FYB1: variants seen among roughly 807,000 people sequenced by gnomAD.
The protein encoded by FYB1 is FYN binding protein 1.
FYB1 carries 41 observed loss-of-function variants against 94.1 expected under a neutral mutation model. That is an observed-to-expected ratio of 0.44 (90% confidence interval 0.34 to 0.57). The LOEUF (loss-of-function observed/expected upper bound fraction) is 0.57, where lower values mean the gene tolerates loss of function less well. Ranked by LOEUF, FYB1 falls within the 20% of genes least tolerant of loss-of-function variation. FYB1 has a pLI of 0.02. For synonymous variants in FYB1, 367 were observed against 353.2 expected, an observed-to-expected ratio of 1.04 and a Z score of -0.44; for missense variants, 1,050 against 976.8, an observed-to-expected ratio of 1.07 and a Z score of -1.00.
intron 1 of FYB1, among the ~76,000 whole-genome samples, chr5:39,257,943 C>T (rs1439837134): frequency 3.3e-5 from 5 of 152,168 alleles, no homozygotes; most frequent in African/African-American, 7.2e-5. Context: ...TGATCCAAAG[C>T]GTCTTTAGCT....
At chr5:39,140,271 C>T (rs1200072534) in intron 4 of FYB1, among the ~76,000 whole-genome samples, 2 of 151,956 alleles carry the variant, frequency 1.3e-5, no homozygotes, top group Admixed American at 6.6e-5. Context: ...TAAAGGAACC[C>T]CTACAAGTTA....
chr5:39,219,419 A>G (rs895816430), intron 1 of FYB1, 24 bp downstream of exon 1: 2 of 985,212 alleles, frequency 2.0e-6, no homozygotes, highest in Non-Finnish European at 1.2e-6. Context: ...TATTTGAAAG[A>G]AGAAACCTAG....
At chr5:39,227,396 T>G (rs527718504) in intron 1 of FYB1, among the ~76,000 whole-genome samples, 5 of 152,316 alleles carry the variant, frequency 3.3e-5, no homozygotes, top group Admixed American at 2.0e-4. Context: ...GTTCGTATTC[T>G]TAGGAGGTGC....
rs901374047 is a variant in FYB1 at position 39,202,281 on chromosome 5, G to A, written c.680C>T (p.Ala227Val). The change falls in exon 2 of 19, where the codon GCT (alanine) becomes GTT (valine). Residue 227 changes from alanine to valine, a missense_variant. Physicochemically the swap from Ala to Val is moderately conservative, Grantham distance 64. Coordinates refer to ENST00000512982, the MANE Select transcript of FYB1 (RefSeq NM_001465.6). Reference protein sequence around the residue: ...KNVSSSKGSPAPLGVRSKSGP... With the variant: ...KNVSSSKGSPVPLGVRSKSGP... ...GCTTTTGGACCTGACTCCCAGGGGA[G>A]CTGGGGACCCTTTTGATGAAGACAC... 1.2e-6 allele frequency: 2 copies of A among 1,613,898 alleles called. No individual in the cohort carries two copies. The highest frequency in any genetic ancestry group is 1.7e-5 in the Admixed American group (1 of 60,014).
chr5:39,177,073 G>T (rs933089556), intron 2 of FYB1, among the ~76,000 whole-genome samples: 1 of 152,182 alleles, frequency 6.6e-6, no homozygotes, highest in African/African-American at 2.4e-5. Context: ...AGGAACTTTT[G>T]TCCTGGCAAC....
intron 2 of FYB1, among the ~76,000 whole-genome samples, chr5:39,161,069 G>GT (rs1744202524): frequency 6.6e-6 from 1 of 152,154 alleles, no homozygotes; most frequent in South Asian, 2.1e-4. Flanking sequence ...CTCTCTGTTT[G>GT]TACGCAGAGC....
chr5:39,151,588 C>T (rs1402995704), intron 3 of FYB1, among the ~76,000 whole-genome samples: 1 of 152,190 alleles, frequency 6.6e-6, no homozygotes, highest in Non-Finnish European at 1.5e-5. Flanking sequence ...CCATGCCCAG[C>T]CCTGTTTATT....
intron 3 of FYB1, among the ~76,000 whole-genome samples, chr5:39,148,178 T>TATATAC: frequency 1.3e-5 from 1 of 74,578 alleles, no homozygotes; most frequent in South Asian, 4.8e-4. Context: ...TATATATATA[T>TATATAC]ATATATATAT....
At chr5:39,182,286 C>T (rs1746315613) in intron 2 of FYB1, among the ~76,000 whole-genome samples, 1 of 99,146 alleles carries the variant, frequency 1.0e-5, no homozygotes, top group East Asian at 3.4e-4. Context: ...TGTGTGCATG[C>T]ATGTGTGTGT....
intron 1 of FYB1, among the ~76,000 whole-genome samples, chr5:39,257,054 C>A (rs146408855): frequency 3.9e-4 from 59 of 152,284 alleles, no homozygotes; most frequent in African/African-American, 1.3e-3. Flanking sequence ...TGTTATAGAT[C>A]AGATTCAGCA....
intron 1 of FYB1, among the ~76,000 whole-genome samples, chr5:39,216,318 T>A (rs2150540432): frequency 6.6e-6 from 1 of 152,314 alleles, no homozygotes; most frequent in South Asian, 2.1e-4. Flanking sequence ...ATATTAGAAA[T>A]CTCTAATATA....
Position 39,209,264 on chromosome 5 carries a change from A to G in FYB1, c.-27-6277T>C, listed in dbSNP as rs560766510. 3.3e-5 allele frequency among the ~76,000 whole-genome samples: 5 copies of G among 152,280 alleles called. No individual in the cohort carries two copies. In the South Asian group the frequency reaches 8.3e-4, roughly 25 times the overall value. On this transcript the variant is annotated intron_variant, in intron 1 of 18. Transcript: ENST00000512982. ...ACCCTTCACAAGCATCGTAGATAAC[A>G]AGCTCCTCTATCGATAATAGAACAG... is the stretch of plus-strand genomic sequence containing the variant.
chr5:39,114,878 C>T (rs1178911264), intron 16 of FYB1, among the ~76,000 whole-genome samples: 1 of 152,088 alleles, frequency 6.6e-6, no homozygotes, highest in African/African-American at 2.4e-5. Context: ...GACTCTGAAG[C>T]TCAGAGTCTA....
Position 39,122,355 on chromosome 5 carries a change from C to G in FYB1, c.2119G>C (p.Val707Leu), listed in dbSNP as rs1229402634. 1 of 1,575,776 alleles carries G rather than the reference C, an allele frequency of 6.3e-7. No homozygotes were observed. Among genetic ancestry groups the G allele is most frequent in the Non-Finnish European group, 8.6e-7 (1 of 1,156,668 alleles). Reference protein sequence around the residue: ...YDDVDTSDFPVSSAEMSQGTN... With the variant: ...YDDVDTSDFPLSSAEMSQGTN... ...AATTACCTCATCTCTGCTGATGAAA[C>G]AGGGAAATCAGAGGTATCCACATCA... Residue 707 changes from valine to leucine, a missense_variant, in exon 14 of 19, where the codon GTT (valine) becomes CTT (leucine). Coordinates refer to ENST00000512982, the MANE Select transcript of FYB1 (RefSeq NM_001465.6).
chr5:39,137,800 C>A, intron 6 of FYB1, 80 bp from the exon 7 acceptor site: 1 of 1,529,024 alleles, frequency 6.5e-7, no homozygotes. Context: ...AGTTTCTACT[C>A]ACAACAGAAA....
At chr5:39,219,900 G>T (rs1750155732), upstream of FYB1, among the ~76,000 whole-genome samples, 1 of 152,140 alleles carries the variant, frequency 6.6e-6, no homozygotes, top group South Asian at 2.1e-4. Flanking sequence ...GCCAAAGGGG[G>T]ATGCTTACAA....
Position 39,127,722 on chromosome 5 carries a change from G to C in FYB1, c.1907+19C>G. 1 of 1,582,076 alleles carries C rather than the reference G, an allele frequency of 6.3e-7. No homozygotes were observed. Among genetic ancestry groups the C allele is most frequent in the Non-Finnish European group, 8.6e-7 (1 of 1,167,720 alleles). ...TATATATAATAATTTGCAAAAAGCA[G>C]TTCACTGATTATTCTTACCCATCAT... On this transcript the variant is annotated intron_variant, in intron 11 of 18. Coordinates refer to ENST00000512982, the MANE Select transcript of FYB1 (RefSeq NM_001465.6).
intron 16 of FYB1, among the ~76,000 whole-genome samples, chr5:39,117,314 A>G (rs1048834170): frequency 3.9e-5 from 6 of 152,212 alleles, no homozygotes; most frequent in African/African-American, 1.4e-4. Context: ...ATTTTCATTT[A>G]GAACATTCAA....
intron 1 of FYB1, among the ~76,000 whole-genome samples, chr5:39,273,056 C>G (rs751259012): frequency 2.6e-4 from 40 of 152,096 alleles, no homozygotes; most frequent in South Asian, 2.1e-4. Context: ...CCACCCCGTC[C>G]GGGAGGTGGG....
Sources: gnomAD v4.1 joint callset for allele counts (sites outside exome capture counted in the v4.1 genomes callset) on GRCh38, gnomAD v4.1.1 for gene constraint, MANE v1.5 for transcripts, NCBI Gene and HGNC (gene_info 2026-07-23, HGNC 2026-07-21) for gene names.